Variants in PDZD9 observed in about 807,000 individuals in gnomAD.
The protein encoded by PDZD9 is PDZ domain-containing protein 9.
A neutral mutation model predicts 16.3 loss-of-function variants in PDZD9; 13 were observed. The observed-to-expected ratio is 0.80, with a 90% CI of 0.52 to 1.27. The LOEUF (loss-of-function observed/expected upper bound fraction) is 1.27, where lower values mean the gene tolerates loss of function less well. PDZD9 is among the 50% of genes most tolerant of loss of function. The pLI is 0.00. For missense variants in PDZD9, 288 were observed against 310.9 expected (o/e 0.93, Z 0.55); for synonymous variants, 120 against 111.0 (o/e 1.08, Z -0.51).
chr16:21,993,626 C>T (rs565539914), intron 2 of PDZD9, among the ~76,000 whole-genome samples: 3 of 152,226 alleles, frequency 2.0e-5, no homozygotes, highest in Admixed American at 6.5e-5. Flanking sequence ...AGTCCAAGAA[C>T]GATTGAATCA....
chr16:21,961,462 T>A, the PDZD9 span: 1 of 237,056 alleles, frequency 4.2e-6, no homozygotes, highest in African/African-American at 2.3e-5. Flanking sequence ...AAGATTTCTT[T>A]AAGGTATTTT....
At chr16:21,960,530 G>A in the PDZD9 span, among the ~76,000 whole-genome samples, 1 of 152,166 alleles carries the variant, frequency 6.6e-6, no homozygotes, top group South Asian at 2.1e-4. Context: ...CAGTGGAGTA[G>A]CACTATTAGT....
At chr16:21,982,691 T>G (rs1168565008), downstream of PDZD9, among the ~76,000 whole-genome samples, 1 of 152,164 alleles carries the variant, frequency 6.6e-6, no homozygotes, top group Non-Finnish European at 1.5e-5. Flanking sequence ...GAAGGCCAGG[T>G]TGGTGGCTCA....
At chr16:21,975,979 A>G in the PDZD9 span, among the ~76,000 whole-genome samples, 2 of 152,138 alleles carry the variant, frequency 1.3e-5, no homozygotes, top group Admixed American at 6.5e-5. Context: ...GATTGTGTAT[A>G]AACAGCTGCT....
At chr16:21,963,111 C>G in the PDZD9 span, 2 of 368,770 alleles carry the variant, frequency 5.4e-6, no homozygotes, top group African/African-American at 2.1e-5. Context: ...GCCTCAGCCT[C>G]CTGAGCAGCT....
intron 1 of PDZD9, among the ~76,000 whole-genome samples, chr16:21,997,029 G>T (rs921339265): frequency 1.3e-5 from 2 of 151,866 alleles, no homozygotes; most frequent in Non-Finnish European, 2.9e-5. Context: ...CACTATATTG[G>T]CCAGGCTAGT....
chr16:21,963,640 T>C, the PDZD9 span, among the ~76,000 whole-genome samples: 6 of 152,114 alleles, frequency 3.9e-5, no homozygotes, highest in South Asian at 4.2e-4. Context: ...ATTTTTATTT[T>C]TATTTTTTTA....
Position 21,987,503 on chromosome 16 carries a change from A to C in PDZD9, c.401+1099T>G, listed in dbSNP as rs546990204. Among the ~76,000 whole-genome samples the C allele has an allele frequency of 4.6e-5, 7 of 152,336 alleles. No individual in the cohort carries two copies. In the South Asian group the frequency reaches 1.4e-3, roughly 32 times the overall value. On this transcript the variant is annotated intron_variant, in intron 3 of 3. Transcript: ENST00000424898. ...GATAGTCATAGAAACCACAGGCATC[A>C]ATGAAACTGGCTAGGAGAAAGGACA...
chr16:21,997,367 G>A (rs1346790367), intron 1 of PDZD9, among the ~76,000 whole-genome samples: 1 of 152,174 alleles, frequency 6.6e-6, no homozygotes, highest in Non-Finnish European at 1.5e-5. Flanking sequence ...GCAAAGAAAG[G>A]TGGATCCGGA....
chr16:21,989,592 C>A (rs1898973224), intron 2 of PDZD9, among the ~76,000 whole-genome samples: 1 of 152,156 alleles, frequency 6.6e-6, no homozygotes, highest in South Asian at 2.1e-4. Context: ...CATTTTAATT[C>A]TCTACCCTTG....
downstream of PDZD9, among the ~76,000 whole-genome samples, chr16:21,981,920 A>C (rs538072458): frequency 6.7e-6 from 1 of 149,280 alleles, no homozygotes; most frequent in African/African-American, 2.5e-5. Context: ...GGCTCAGTAC[A>C]ACCTCCGCCT....
intron 1 of PDZD9, 29 bp downstream of exon 1, chr16:22,000,988 T>G: frequency 6.5e-7 from 1 of 1,532,544 alleles, no homozygotes; most frequent in Non-Finnish European, 8.7e-7. Flanking sequence ...CCCCAGGGCT[T>G]CTTCACCCGC....
At chr16:21,981,707 G>A (rs1024642702), downstream of PDZD9, among the ~76,000 whole-genome samples, 13 of 151,960 alleles carry the variant, frequency 8.6e-5, no homozygotes, top group South Asian at 4.2e-4. Flanking sequence ...AGGTTGCAGC[G>A]AGCCGAGATC....
the PDZD9 span, chr16:21,962,403 A>C: frequency 6.3e-7 from 1 of 1,595,788 alleles, no homozygotes. Context: ...GAAGATTATA[A>C]GGGAAAGCTT....
chr16:21,990,348 T>C (rs1482675036), intron 2 of PDZD9, among the ~76,000 whole-genome samples: 1 of 152,136 alleles, frequency 6.6e-6, no homozygotes, highest in Non-Finnish European at 1.5e-5. Context: ...AGAAGTGCCT[T>C]CTCTGATGCA....
At chr16:22,000,673 A>T (rs1899272286) in intron 1 of PDZD9, among the ~76,000 whole-genome samples, 2 of 151,990 alleles carry the variant, frequency 1.3e-5, no homozygotes, top group African/African-American at 4.8e-5. Context: ...AAAAATAAAA[A>T]ATTAGCTGGG....
chr16:21,975,562 C>G, the PDZD9 span, among the ~76,000 whole-genome samples: 1 of 152,138 alleles, frequency 6.6e-6, no homozygotes, highest in Non-Finnish European at 1.5e-5. Context: ...CAAATATTTA[C>G]CAAGTACCCA....
At chr16:21,982,441 A>G (rs1898755810), downstream of PDZD9, among the ~76,000 whole-genome samples, 1 of 152,186 alleles carries the variant, frequency 6.6e-6, no homozygotes, top group Non-Finnish European at 1.5e-5. Flanking sequence ...AGGAAAGTAT[A>G]TCCCTGCCTG....
chr16:21,993,377 C>G (rs1899070088), intron 2 of PDZD9, among the ~76,000 whole-genome samples: 1 of 152,138 alleles, frequency 6.6e-6, no homozygotes, highest in Non-Finnish European at 1.5e-5. Context: ...AGCAGCTTCC[C>G]CATGGGACCT....
Sources: gnomAD v4.1 joint callset for allele counts (sites outside exome capture counted in the v4.1 genomes callset) on GRCh38, gnomAD v4.1.1 for gene constraint, MANE v1.5 for transcripts, NCBI Gene and HGNC (gene_info 2026-07-23, HGNC 2026-07-21) for gene names.